HS3ST4: variants seen among roughly 807,000 people sequenced by gnomAD.
The protein encoded by HS3ST4 is heparan sulfate-glucosamine 3-sulfotransferase 4, also known as heparan sulfate glucosamine 3-O-sulfotransferase 4.
A neutral mutation model predicts 29.2 loss-of-function variants in HS3ST4; 17 were observed. The observed-to-expected ratio is 0.58, with a 90% confidence interval of 0.40 to 0.87. The LOEUF (loss-of-function observed/expected upper bound fraction) is 0.87, where lower values mean the gene tolerates loss of function less well. Ranked by LOEUF, HS3ST4 falls within the 40% of genes least tolerant of loss-of-function variation. HS3ST4 has a pLI of 0.00. For synonymous variants in HS3ST4, 314 were observed against 285.7 expected, an observed-to-expected ratio of 1.10 and a Z score of -1.00; for missense variants, 627 against 634.5, an observed-to-expected ratio of 0.99 and a Z score of 0.13.
rs1371928058 is a variant in HS3ST4 at position 25,828,242 on chromosome 16, C to CTTTCTT, written c.734+135092_734+135093insTTCTTT. The stretch of plus-strand genomic sequence containing the variant: ...CTTTCCTTTCTTTCTTTCTTTCTTT[C>CTTTCTT]TCTTTCTTTCTTTCTTTCTTTCTTT... On this transcript the variant is annotated intron_variant, in intron 1 of 1. Coordinates refer to ENST00000331351, the MANE Select transcript of HS3ST4 (RefSeq NM_006040.3). Among the ~76,000 whole-genome samples, 37 of 75,026 alleles carry CTTTCTT rather than the reference C, an allele frequency of 4.9e-4. 1 individual carries two copies. Among genetic ancestry groups the CTTTCTT allele is most frequent in the African/African-American group, 6.4e-4 (11 of 17,282 alleles). The allele number at this position is 75,026 out of a possible 152,430, so 49.2% of individuals were successfully genotyped here. A position where few individuals can be genotyped will look rare whatever the true frequency, so the allele number is the denominator to read the frequency against.
intron 1 of HS3ST4, among the ~76,000 whole-genome samples, chr16:26,081,280 C>G (rs2141782607): frequency 8.1e-6 from 1 of 122,702 alleles, no homozygotes; most frequent in South Asian, 2.9e-4. Context: ...GGAGTGAAAT[C>G]CTGTCTCAAA....
intron 1 of HS3ST4, among the ~76,000 whole-genome samples, chr16:25,809,266 C>T (rs1268612076): frequency 6.6e-6 from 1 of 152,130 alleles, no homozygotes; most frequent in Non-Finnish European, 1.5e-5. Flanking sequence ...TTTAGTTACA[C>T]TCTATTCCTA....
At chr16:25,981,802 C>T (rs1251775834) in intron 1 of HS3ST4, among the ~76,000 whole-genome samples, 1 of 152,094 alleles carries the variant, frequency 6.6e-6, no homozygotes, top group Non-Finnish European at 1.5e-5. Flanking sequence ...AAATGAACTG[C>T]TTGATCTTGG....
At chr16:26,134,829 TACATTA>T (rs1167043202) in intron 1 of HS3ST4, among the ~76,000 whole-genome samples, 1 of 152,210 alleles carries the variant, frequency 6.6e-6, no homozygotes, top group Non-Finnish European at 1.5e-5. Flanking sequence ...AAGGAGTAAA[TACATTA>T]GGCTTTGGGC....
chr16:25,744,397 AAT>A (rs1212740814), intron 1 of HS3ST4, among the ~76,000 whole-genome samples: 1 of 152,234 alleles, frequency 6.6e-6, no homozygotes, highest in Non-Finnish European at 1.5e-5. Context: ...ATTCGAAGTT[AAT>A]AAGCTGCAGG....
chr16:25,991,412 C>T (rs1567289007), intron 1 of HS3ST4, among the ~76,000 whole-genome samples: 1 of 152,138 alleles, frequency 6.6e-6, no homozygotes, highest in Non-Finnish European at 1.5e-5. Context: ...GAGAGTTCCT[C>T]ATCGTGATTG....
At chr16:25,892,918 A>AT (rs1262720733) in intron 1 of HS3ST4, among the ~76,000 whole-genome samples, 1 of 152,242 alleles carries the variant, frequency 6.6e-6, no homozygotes, top group Admixed American at 6.5e-5. Context: ...AGAAGATAGA[A>AT]TAAATAAGTA....
intron 1 of HS3ST4, among the ~76,000 whole-genome samples, chr16:26,044,974 G>A (rs922644440): frequency 4.6e-5 from 7 of 152,116 alleles, no homozygotes; most frequent in Admixed American, 1.3e-4. Context: ...AAATCTCAAC[G>A]CTCTCCTGGG....
intron 1 of HS3ST4, among the ~76,000 whole-genome samples, chr16:26,076,852 C>T (rs1898670114): frequency 6.6e-6 from 1 of 152,192 alleles, no homozygotes; most frequent in South Asian, 2.1e-4. Flanking sequence ...TTCAGCCACA[C>T]TGGCCACTTT....
intron 1 of HS3ST4, among the ~76,000 whole-genome samples, chr16:25,782,544 G>C (rs773652292): frequency 9.2e-5 from 14 of 152,132 alleles, no homozygotes; most frequent in East Asian, 1.9e-4. Flanking sequence ...CATTACACTT[G>C]ATCAGGTTGC....
At chr16:25,788,447 A>C (rs935459931) in intron 1 of HS3ST4, among the ~76,000 whole-genome samples, 1 of 151,108 alleles carries the variant, frequency 6.6e-6, no homozygotes, top group Non-Finnish European at 1.5e-5. Flanking sequence ...CAATTCAGTA[A>C]GTCTCTGTGA....
At chr16:25,787,013 G>A (rs1966858676) in intron 1 of HS3ST4, among the ~76,000 whole-genome samples, 1 of 152,178 alleles carries the variant, frequency 6.6e-6, no homozygotes, top group Admixed American at 6.5e-5. Context: ...TAAATTAAAA[G>A]CAATTCAAAT....
chr16:26,025,932 T>C (rs1356720034), intron 1 of HS3ST4, among the ~76,000 whole-genome samples: 2 of 151,972 alleles, frequency 1.3e-5, no homozygotes, highest in Non-Finnish European at 2.9e-5. Context: ...CGTGCCACCA[T>C]GCCCAGCTAA....
chr16:25,840,698 C>G (rs904010673), intron 1 of HS3ST4, among the ~76,000 whole-genome samples: 2 of 152,060 alleles, frequency 1.3e-5, no homozygotes, highest in Non-Finnish European at 2.9e-5. Flanking sequence ...AAAGTATCAA[C>G]CTACTGGGGC....
At chr16:25,829,634 A>G (rs1967273519) in intron 1 of HS3ST4, among the ~76,000 whole-genome samples, 1 of 151,754 alleles carries the variant, frequency 6.6e-6, no homozygotes. Flanking sequence ...GTGTGTTCTC[A>G]TTGTTCAACT....
At chr16:26,089,929 G>T (rs1377870535) in intron 1 of HS3ST4, among the ~76,000 whole-genome samples, 1 of 152,144 alleles carries the variant, frequency 6.6e-6, no homozygotes, top group Non-Finnish European at 1.5e-5. Context: ...CTTGTGAACT[G>T]CATGAGAAAG....
chr16:25,844,197 A>G (rs1363176812), intron 1 of HS3ST4, among the ~76,000 whole-genome samples: 1 of 152,208 alleles, frequency 6.6e-6, no homozygotes, highest in East Asian at 1.9e-4. Flanking sequence ...TTCTCCCTAG[A>G]TGTATCCATT....
At chr16:25,871,597 T>C (rs1967753311) in intron 1 of HS3ST4, among the ~76,000 whole-genome samples, 1 of 152,146 alleles carries the variant, frequency 6.6e-6, no homozygotes, top group South Asian at 2.1e-4. Flanking sequence ...AATAACCTTA[T>C]AAAGTAGCAA....
At chr16:26,059,046 A>T (rs1898444296) in intron 1 of HS3ST4, among the ~76,000 whole-genome samples, 1 of 152,118 alleles carries the variant, frequency 6.6e-6, no homozygotes, top group South Asian at 2.1e-4. Context: ...AAAGAATGTG[A>T]TTCAAAAGAT....
Sources: gnomAD v4.1 joint callset for allele counts (sites outside exome capture counted in the v4.1 genomes callset) on GRCh38, gnomAD v4.1.1 for gene constraint, MANE v1.5 for transcripts, NCBI Gene and HGNC (gene_info 2026-07-23, HGNC 2026-07-21) for gene names.